TOP1: variants seen among roughly 807,000 people sequenced by gnomAD.
TOP1 encodes the protein DNA topoisomerase I.
TOP1 carries 10 observed loss-of-function variants against 111.1 expected under a neutral mutation model. That is an observed-to-expected ratio of 0.09 (90% CI 0.06 to 0.15). TOP1 has a LOEUF of 0.15. Ranked by LOEUF, TOP1 falls within the 10% of genes least tolerant of loss-of-function variation. The probability of loss-of-function intolerance (pLI) is 1.00; values close to 1 mark genes in which losing one functional copy is unlikely to be tolerated. For synonymous variants in TOP1, 271 were observed against 302.9 expected, an observed-to-expected ratio of 0.89 and a Z score of 1.10; for missense variants, 474 against 926.7, an observed-to-expected ratio of 0.51 and a Z score of 6.34.
rs765735179 is a variant in TOP1 at position 41,112,885 on chromosome 20, A to G, written c.1412A>G (p.Lys471Arg). Reference sequence around the variant, plus strand: ...GAAGACTGGAAGTCCAAAGAGATGAAAGTCCGGCAGAGAGCTGTAGCCCTG... The same window carrying G: ...GAAGACTGGAAGTCCAAAGAGATGAGAGTCCGGCAGAGAGCTGTAGCCCTG... ...YREDWKSKEM[K>R]VRQRAVALYF... The change falls in exon 14 of 21, where the codon AAA becomes AGA. Residue 471 changes from lysine to arginine, a missense_variant. Physicochemically the swap from Lys to Arg is conservative, Grantham distance 26. Around this residue, in one of 14 missense-constraint regions of TOP1, gnomAD observed 8 missense variants for 61.9 expected, o/e 0.13. Coordinates refer to ENST00000361337, the MANE Select transcript of TOP1 (RefSeq NM_003286.4). The surrounding 1 kb of genome is among the most constrained non-coding windows in gnomAD (Gnocchi z 5.8). The G allele has an allele frequency of 8.1e-6, 13 of 1,614,236 alleles. No homozygotes were observed. The East Asian group carries it at 2.9e-4, about 36-fold the overall frequency.
rs761284237 is a variant in TOP1 at position 41,102,546 on chromosome 20, G to A, written c.1308+1193G>A. 1.2e-4 allele frequency among the ~76,000 whole-genome samples: 18 copies of A among 152,280 alleles called. No individual in the cohort carries two copies. The highest frequency in any genetic ancestry group is 2.2e-4 in the Non-Finnish European group (15 of 68,024). Reference sequence around the variant, plus strand: ...AATCGCTTGAACCTGGGAGGCAGAGGTCGCAGTGAGCTGAGATCACGCCAC... The same window carrying A: ...AATCGCTTGAACCTGGGAGGCAGAGATCGCAGTGAGCTGAGATCACGCCAC... On this transcript the variant is annotated intron_variant, in intron 13 of 20. Transcript: ENST00000361337. This position sits in a 1 kb window ranked among gnomAD's most constrained non-coding sequence, Gnocchi z 4.0.
intron 2 of TOP1, among the ~76,000 whole-genome samples, chr20:41,039,496 T>C (rs2033233256): frequency 6.6e-6 from 1 of 152,196 alleles, no homozygotes; most frequent in East Asian, 1.9e-4. Flanking sequence ...TTTTTTTTTG[T>C]ATACCTATAT....
intron 13 of TOP1, among the ~76,000 whole-genome samples, chr20:41,103,820 G>A (rs2034102486): frequency 6.6e-6 from 1 of 151,270 alleles, no homozygotes; most frequent in South Asian, 2.1e-4. Flanking sequence ...TTCTTTCCAG[G>A]GATACAATCC....
Position 41,123,448 on chromosome 20 carries a change from T to C in TOP1, c.*151T>C, listed in dbSNP as rs1455843754. 4 of 551,922 alleles carry C rather than the reference T, an allele frequency of 7.2e-6. No homozygotes were observed. The highest frequency in any genetic ancestry group is 3.9e-5 in the African/African-American group (2 of 51,838). The allele number at this position is 551,922 out of a possible 1,614,324, so 34.2% of individuals were successfully genotyped here. ...TGCGAAAAGATAAACCTGGAGATAT[T>C]ATAAGGGAGAGCTGAGCCAGTTGTC... On this transcript the variant is annotated 3_prime_UTR_variant, in exon 21 of 21. Coordinates refer to ENST00000361337, the MANE Select transcript of TOP1 (RefSeq NM_003286.4). The surrounding 1 kb of genome is among the most constrained non-coding windows in gnomAD (Gnocchi z 5.8).
At chr20:41,045,136 GAACTT>G (rs972878559) in intron 2 of TOP1, among the ~76,000 whole-genome samples, 4 of 152,122 alleles carry the variant, frequency 2.6e-5, no homozygotes, top group African/African-American at 7.2e-5. Flanking sequence ...TGGGACCAAA[GAACTT>G]AATTATTTTA....
At chr20:41,035,823 A>C (rs962733891) in intron 2 of TOP1, among the ~76,000 whole-genome samples, 6 of 152,184 alleles carry the variant, frequency 3.9e-5, no homozygotes, top group Admixed American at 2.6e-4. Context: ...CAGATTTATA[A>C]AGCTTTGTAG....
Position 41,102,447 on chromosome 20 carries a change from TAA to T in TOP1, c.1308+1098_1308+1099del, listed in dbSNP as rs2034078837. ...CAACATGGCGAAACCCTGTCTCTAC[TAA>T]AAATACAAAAATTAGCCAGGCGTGG... is the stretch of plus-strand genomic sequence containing the variant. On this transcript the variant is annotated intron_variant, in intron 13 of 20. Transcript: ENST00000361337. The surrounding 1 kb of genome is among the most constrained non-coding windows in gnomAD (Gnocchi z 4.0). Among the ~76,000 whole-genome samples, 1 of 152,094 alleles carries T rather than the reference TAA, an allele frequency of 6.6e-6. No homozygotes were observed. Among genetic ancestry groups the T allele is most frequent in the African/African-American group, 2.4e-5 (1 of 41,418 alleles).
chr20:41,072,829 C>A, intron 3 of TOP1: 1 of 985,396 alleles, frequency 1.0e-6, no homozygotes, highest in Non-Finnish European at 1.2e-6. Flanking sequence ...TAGAAGCTGT[C>A]CTTAACCCTC....
rs767445347 is a variant in TOP1, at chr20:41,116,429, A to G, written c.1822+37A>G. 3 of 1,507,004 alleles carry G rather than the reference A, an allele frequency of 2.0e-6. No individual in the cohort carries two copies. The highest frequency in any genetic ancestry group is 2.8e-6 in the Non-Finnish European group (3 of 1,083,118). 93.4% of individuals were successfully genotyped at this position (1,507,004 alleles called of 1,614,324 possible). Reference sequence around the variant, plus strand: ...TTGGCCAGATAGGGCCCACACCCCTACTAATGGTATCCGGTGACCTTGCTT... The same window carrying G: ...TTGGCCAGATAGGGCCCACACCCCTGCTAATGGTATCCGGTGACCTTGCTT... On this transcript the variant is annotated intron_variant, in intron 17 of 20. Transcript: ENST00000361337. The surrounding 1 kb of genome is among the most constrained non-coding windows in gnomAD (Gnocchi z 5.6).
At chr20:41,031,350 C>G (rs2033117332) in intron 2 of TOP1, among the ~76,000 whole-genome samples, 1 of 152,166 alleles carries the variant, frequency 6.6e-6, no homozygotes, top group Non-Finnish European at 1.5e-5. Flanking sequence ...TTTTGGCTGT[C>G]AGGCTGGGCT....
At chr20:41,033,822 C>T (rs2033151779) in intron 2 of TOP1, among the ~76,000 whole-genome samples, 1 of 152,100 alleles carries the variant, frequency 6.6e-6, no homozygotes, top group Non-Finnish European at 1.5e-5. Context: ...AAGTCGTTTC[C>T]TCAGAAGTGT....
rs1327188725 is a variant in TOP1 at position 41,034,485 on chromosome 20, G to C, written c.58+5030G>C. 3.9e-5 allele frequency among the ~76,000 whole-genome samples: 6 copies of C among 152,204 alleles called. No homozygotes were observed. The highest frequency in any genetic ancestry group is 1.4e-4 in the African/African-American group (6 of 41,444). ...GTTGATAGCATAGGGCCTGGGAAGG[G>C]TGGAGAGGGATGTAAATGAGGGCAG... On this transcript the variant is annotated intron_variant, in intron 2 of 20. Transcript: ENST00000361337. This position sits in a 1 kb window ranked among gnomAD's most constrained non-coding sequence, Gnocchi z 4.0.
At chr20:41,086,462 T>C (rs1480865807) in intron 8 of TOP1, among the ~76,000 whole-genome samples, 2 of 152,228 alleles carry the variant, frequency 1.3e-5, no homozygotes, top group Non-Finnish European at 2.9e-5. Context: ...CAGGGTTCTG[T>C]GGTAGTTACT....
At chr20:41,072,851 T>A in intron 3 of TOP1, 3 of 985,456 alleles carry the variant, frequency 3.0e-6, no homozygotes, top group Non-Finnish European at 3.6e-6. Context: ...ATCATCTGTA[T>A]TCAGCTAGTA....
intron 8 of TOP1, among the ~76,000 whole-genome samples, chr20:41,091,178 G>T (rs1172806901): frequency 6.6e-6 from 1 of 152,122 alleles, no homozygotes; most frequent in Non-Finnish European, 1.5e-5. Context: ...TATTGGACTT[G>T]TTCCATGGCT....
In TOP1 at chr20:41,112,751, G is replaced by A; in HGVS notation, c.1309-31G>A. 1 of 1,611,820 alleles carries A rather than the reference G, an allele frequency of 6.2e-7. No individual in the cohort carries two copies. The highest frequency in any genetic ancestry group is 1.1e-5 in the South Asian group (1 of 90,838). On this transcript the variant is annotated intron_variant, in intron 13 of 20. Transcript: ENST00000361337. This position sits in a 1 kb window ranked among gnomAD's most constrained non-coding sequence, Gnocchi z 5.8. ...TCTGTCTTTACTACACTGTCCCAAAGTAATCTACATTTGGGTTTGGGTCTT... is the reference window on the plus strand; with the variant it reads ...TCTGTCTTTACTACACTGTCCCAAAATAATCTACATTTGGGTTTGGGTCTT...
chr20:41,115,582 CCTCT>C lies in TOP1; in HGVS notation c.1707+144_1707+147del, dbSNP rs371525715. The C allele has an allele frequency of 6.5e-4, 392 of 603,004 alleles. No homozygotes were observed. In the African/African-American group the frequency reaches 6.6e-3, roughly 10 times the overall value. The allele number at this position is 603,004 out of a possible 1,614,324, so 37.4% of individuals were successfully genotyped here. On this transcript the variant is annotated intron_variant, in intron 16 of 20. Transcript: ENST00000361337. The surrounding 1 kb of genome is among the most constrained non-coding windows in gnomAD (Gnocchi z 6.3). ...GCATCCCATACACTCTCTCTTCCTC[CCTCT>C]GAGTCCACGGTGAATCTGTAGTCAA...
chr20:41,070,544 C>G (rs1040815743), intron 3 of TOP1, among the ~76,000 whole-genome samples: 1 of 152,220 alleles, frequency 6.6e-6, no homozygotes, highest in Admixed American at 6.5e-5. Flanking sequence ...TTTGAAGTTA[C>G]TTAAATATTT....
chr20:41,060,741 C>T (rs1234049630), intron 2 of TOP1, among the ~76,000 whole-genome samples: 1 of 152,126 alleles, frequency 6.6e-6, no homozygotes, highest in African/African-American at 2.4e-5. Flanking sequence ...ACAGTATTTG[C>T]ATATAACCTA....
Sources: gnomAD v4.1 joint callset for allele counts (sites outside exome capture counted in the v4.1 genomes callset) on GRCh38, gnomAD v4.1.1 for gene constraint, gnomAD v4.1.1 regional missense constraint, Gnocchi (gnomAD v3.1) non-coding constraint, MANE v1.5 for transcripts, NCBI Gene and HGNC (gene_info 2026-07-23, HGNC 2026-07-21) for gene names.